The following FRMD4A variants were observed in gnomAD, a reference collection of about 807,000 sequenced individuals.
The protein encoded by FRMD4A is FERM domain containing 4A, also known as FERM domain-containing protein 4A.
In FRMD4A, 29 loss-of-function variants were observed where a neutral mutation model predicts 129.1. That is an observed-to-expected ratio of 0.22 (90% CI 0.17 to 0.31). The LOEUF (loss-of-function observed/expected upper bound fraction) is 0.31. Among genes scored for constraint, FRMD4A ranks in the 10% least tolerant of loss-of-function variants. The probability of loss-of-function intolerance (pLI) is 1.00; values close to 1 mark genes in which losing one functional copy is unlikely to be tolerated. For synonymous variants in FRMD4A, 634 were observed against 571.6 expected, an observed-to-expected ratio of 1.11 and a Z score of -1.56; for missense variants, 1,272 against 1,375.8, an observed-to-expected ratio of 0.92 and a Z score of 1.19.
At chr10:14,206,820 A>AAAAAACAAAAG (rs1429238276) in intron 2 of FRMD4A, among the ~76,000 whole-genome samples, 1 of 127,384 alleles carries the variant, frequency 7.9e-6, no homozygotes, top group African/African-American at 2.7e-5. Context: ...AAAAAAAAAA[A>AAAAAACAAAAG]AGAGAGACAG....
intron 2 of FRMD4A, among the ~76,000 whole-genome samples, chr10:14,023,741 G>A (rs568410165): frequency 6.6e-6 from 1 of 152,168 alleles, no homozygotes; most frequent in African/African-American, 2.4e-5. Flanking sequence ...AGCCTGCATC[G>A]CTAAAATCAT....
chr10:13,978,196 C>A lies in FRMD4A; in HGVS notation c.46-119284G>T, dbSNP rs1187967498. Reference sequence around the variant, plus strand: ...CATCCTAGTGTTAAGTGGTGGTGTTCTTGGTTTTCTAGCTGGATTCTATGA... The same window carrying A: ...CATCCTAGTGTTAAGTGGTGGTGTTATTGGTTTTCTAGCTGGATTCTATGA... On this transcript the variant is annotated intron_variant, in intron 2 of 24. Coordinates refer to ENST00000357447, the MANE Select transcript of FRMD4A (RefSeq NM_018027.5). Among the ~76,000 whole-genome samples the A allele has an allele frequency of 4.6e-5, 7 of 152,236 alleles. No individual in the cohort carries two copies. In the East Asian group the frequency reaches 1.4e-3, roughly 29 times the overall value.
chr10:14,129,371 C>CATAT (rs3033977), intron 2 of FRMD4A, among the ~76,000 whole-genome samples: 1,833 of 46,134 alleles, frequency 0.04, 54 homozygotes, highest in Admixed American at 0.077. Context: ...AATTATGATT[C>CATAT]ATATATATAT....
intron 2 of FRMD4A, among the ~76,000 whole-genome samples, chr10:14,208,779 T>C (rs769414031): frequency 1.3e-5 from 2 of 152,196 alleles, no homozygotes; most frequent in Non-Finnish European, 2.9e-5. Flanking sequence ...CCTCTTCTCA[T>C]GCACCTGTAT....
chr10:14,261,941 A>AACAC (rs55763234), intron 2 of FRMD4A, among the ~76,000 whole-genome samples: 9,544 of 128,094 alleles, frequency 0.075, 419 homozygotes, highest in Admixed American at 0.11. Context: ...CACCACACCA[A>AACAC]ACACACACAC....
At chr10:13,885,909 T>TTCTC (rs139291183) in intron 2 of FRMD4A, among the ~76,000 whole-genome samples, 174 of 149,950 alleles carry the variant, frequency 1.2e-3, no homozygotes, top group East Asian at 3.7e-3. Flanking sequence ...CCATCTCTCC[T>TTCTC]TCTCTCTCTC....
chr10:14,148,761 CAA>C (rs1330642686), intron 2 of FRMD4A, among the ~76,000 whole-genome samples: 22 of 102,540 alleles, frequency 2.1e-4, no homozygotes, highest in East Asian at 2.6e-4. Context: ...GACTCTGTCT[CAA>C]AAAAAAAAAA....
chr10:13,717,583 G>A (rs1272828570), intron 12 of FRMD4A, among the ~76,000 whole-genome samples: 1 of 149,302 alleles, frequency 6.7e-6, no homozygotes, highest in Non-Finnish European at 1.5e-5. Context: ...TAAAGTGCTA[G>A]AATTACAGGC....
intron 2 of FRMD4A, among the ~76,000 whole-genome samples, chr10:14,215,520 A>C (rs1843047272): frequency 6.6e-6 from 1 of 152,220 alleles, no homozygotes; most frequent in South Asian, 2.1e-4. Flanking sequence ...AAAATAACGA[A>C]AGTAATTTTA....
chr10:14,137,933 C>A (rs1430446699), intron 2 of FRMD4A, among the ~76,000 whole-genome samples: 10 of 152,112 alleles, frequency 6.6e-5, no homozygotes, highest in Admixed American at 5.2e-4. Context: ...GATGAGCAAC[C>A]CAACATACTT....
chr10:13,963,748 A>G (rs553738875), intron 2 of FRMD4A, among the ~76,000 whole-genome samples: 4 of 152,340 alleles, frequency 2.6e-5, no homozygotes, highest in East Asian at 3.9e-4. Context: ...CTAGGTTGGT[A>G]GGTGTTCTTA....
intron 15 of FRMD4A, chr10:13,684,384 T>C (rs2084891412): frequency 1.0e-6 from 1 of 985,086 alleles, no homozygotes; most frequent in South Asian, 4.7e-5. Context: ...CCCGATGCTA[T>C]GAACATTGTT....
chr10:14,248,943 T>C (rs1292363350), intron 2 of FRMD4A, among the ~76,000 whole-genome samples: 1 of 152,192 alleles, frequency 6.6e-6, no homozygotes, highest in African/African-American at 2.4e-5. Context: ...ATTCTTTTAT[T>C]TGGAAATGCC....
intron 2 of FRMD4A, among the ~76,000 whole-genome samples, chr10:13,957,951 C>T (rs189506089): frequency 4.9e-4 from 75 of 152,186 alleles, no homozygotes; most frequent in Admixed American, 4.6e-3. Context: ...AAAACCCTCC[C>T]CTCTCTAAGA....
chr10:14,213,420 CTT>C (rs918484544), intron 2 of FRMD4A, among the ~76,000 whole-genome samples: 1 of 152,124 alleles, frequency 6.6e-6, no homozygotes, highest in Non-Finnish European at 1.5e-5. Context: ...CTGCTATTAT[CTT>C]TGAGCTCAGA....
chr10:13,877,742 C>T (rs933329004), intron 2 of FRMD4A, among the ~76,000 whole-genome samples: 7 of 152,232 alleles, frequency 4.6e-5, no homozygotes, highest in Non-Finnish European at 7.3e-5. Flanking sequence ...ATGAGCTGTG[C>T]TGGCAGATCC....
chr10:14,100,213 G>T (rs546334440), intron 2 of FRMD4A, among the ~76,000 whole-genome samples: 2 of 152,048 alleles, frequency 1.3e-5, no homozygotes, highest in Admixed American at 6.5e-5. Flanking sequence ...ATCACTTATC[G>T]CATGTGGTGA....
chr10:13,844,682 G>A (rs1288310142), intron 3 of FRMD4A, among the ~76,000 whole-genome samples: 1 of 152,196 alleles, frequency 6.6e-6, no homozygotes, highest in Admixed American at 6.5e-5. Flanking sequence ...TGATCAGTTT[G>A]AAGTGGCACT....
At chr10:13,798,578 A>G (rs771963126) in intron 4 of FRMD4A, among the ~76,000 whole-genome samples, 8 of 151,748 alleles carry the variant, frequency 5.3e-5, no homozygotes, top group Non-Finnish European at 1.2e-4. Context: ...TTAGCCGGGC[A>G]TAGTGGCAGG....
Sources: gnomAD v4.1 joint callset for allele counts (sites outside exome capture counted in the v4.1 genomes callset) on GRCh38, gnomAD v4.1.1 for gene constraint, MANE v1.5 for transcripts, NCBI Gene and HGNC (gene_info 2026-07-23, HGNC 2026-07-21) for gene names.